Variants in STK33 observed in about 807,000 individuals in gnomAD.
STK33 encodes serine/threonine kinase 33, also known as serine/threonine-protein kinase 33.
Under a neutral mutation model 58.0 loss-of-function variants are expected in STK33, and 52 were observed. That is an observed-to-expected ratio of 0.90 (90% CI 0.72 to 1.13). STK33 has a LOEUF of 1.13. Among genes scored for constraint, STK33 ranks in the 50% most tolerant of loss-of-function variants. The pLI is 0.00. For missense variants in STK33, 630 were observed against 604.2 expected (o/e 1.04, Z -0.45); for synonymous variants, 215 against 200.1 (o/e 1.07, Z -0.63).
At chr11:8,539,614 G>A (rs577419292) in intron 1 of STK33, among the ~76,000 whole-genome samples, 5 of 152,210 alleles carry the variant, frequency 3.3e-5, no homozygotes, top group South Asian at 2.1e-4. Flanking sequence ...CAATAGTTTC[G>A]GATTGCAGCA....
chr11:8,554,263 C>T (rs1477397612), intron 1 of STK33, among the ~76,000 whole-genome samples: 2 of 150,902 alleles, frequency 1.3e-5, no homozygotes, highest in Non-Finnish European at 2.9e-5. Context: ...ATTAAAAATA[C>T]AAAAAATTAG....
intron 14 of STK33, among the ~76,000 whole-genome samples, chr11:8,428,024 G>T (rs184161956): frequency 3.2e-4 from 48 of 152,262 alleles, no homozygotes; most frequent in Non-Finnish European, 3.5e-4. Context: ...AAGAGTATGG[G>T]GAAGAACCTT....
At chr11:8,538,710 A>G (rs1196782143) in intron 1 of STK33, among the ~76,000 whole-genome samples, 2 of 152,212 alleles carry the variant, frequency 1.3e-5, no homozygotes, top group African/African-American at 4.8e-5. Context: ...TCTTTCCTAC[A>G]TGTGTCTAGT....
At chr11:8,349,273 A>G in the STK33 span, among the ~76,000 whole-genome samples, 1 of 152,250 alleles carries the variant, frequency 6.6e-6, no homozygotes. Flanking sequence ...ATATCATATA[A>G]GTGCCATGCA....
At chr11:8,462,051 T>C (rs1378162929) in intron 7 of STK33, 142 bp from the exon 8 acceptor site, 4 of 562,550 alleles carry the variant, frequency 7.1e-6, no homozygotes, top group Non-Finnish European at 1.2e-5. Context: ...GAGATGTTTC[T>C]TTTTCAAATG....
At chr11:8,388,734 C>T (rs1848578045), downstream of STK33, among the ~76,000 whole-genome samples, 1 of 152,140 alleles carries the variant, frequency 6.6e-6, no homozygotes, top group African/African-American at 2.4e-5. Context: ...GGCCTCCTCC[C>T]AGGTTCTGTT....
intron 1 of STK33, among the ~76,000 whole-genome samples, chr11:8,488,521 A>G (rs1391162093): frequency 6.6e-6 from 1 of 152,188 alleles, no homozygotes; most frequent in Non-Finnish European, 1.5e-5. Context: ...TTGCAAGTGT[A>G]GCCCAACATG....
chr11:8,414,463 T>C (rs925889357), intron 14 of STK33, among the ~76,000 whole-genome samples: 1 of 152,126 alleles, frequency 6.6e-6, no homozygotes, highest in African/African-American at 2.4e-5. Flanking sequence ...ATATTTAGAT[T>C]AAAATGAGAA....
chr11:8,394,074 C>T (rs1042219742), intron 15 of STK33, among the ~76,000 whole-genome samples: 2 of 152,124 alleles, frequency 1.3e-5, no homozygotes, highest in East Asian at 3.8e-4. Context: ...GTAAAAAGGT[C>T]ATTTTCTTTA....
chr11:8,484,004 G>C (rs1452859563), intron 1 of STK33, among the ~76,000 whole-genome samples: 3 of 152,154 alleles, frequency 2.0e-5, no homozygotes, highest in Non-Finnish European at 4.4e-5. Flanking sequence ...AAGACCCCAA[G>C]TTTCTAAACA....
chr11:8,436,766 C>T (rs1434725929), intron 12 of STK33, among the ~76,000 whole-genome samples: 2 of 152,114 alleles, frequency 1.3e-5, no homozygotes, highest in Non-Finnish European at 2.9e-5. Context: ...GGTGCAATCT[C>T]GGCTCACTGC....
intron 15 of STK33, 84 bp downstream of exon 15, chr11:8,413,411 A>G (rs1335854246): frequency 7.5e-6 from 11 of 1,457,258 alleles, no homozygotes; most frequent in African/African-American, 3.0e-5. Flanking sequence ...ACTAACAACA[A>G]AAAGACAGAT....
At chr11:8,381,370 A>G in the STK33 span, among the ~76,000 whole-genome samples, 22,510 of 152,098 alleles carry the variant, frequency 0.15, 2,982 homozygotes, top group African/African-American at 0.35. Context: ...GTCAGCCGAG[A>G]GTCTCCTGGC....
intron 1 of STK33, among the ~76,000 whole-genome samples, chr11:8,493,550 C>T (rs189643891): frequency 3.5e-4 from 53 of 152,218 alleles, no homozygotes; most frequent in African/African-American, 1.0e-3. Flanking sequence ...CCTTCTGAAA[C>T]GATTTCAATC....
At chr11:8,471,364 C>G (rs796214914) in intron 6 of STK33, among the ~76,000 whole-genome samples, 16 of 152,212 alleles carry the variant, frequency 1.1e-4, no homozygotes, top group African/African-American at 3.6e-4. Flanking sequence ...AAAACAGTTT[C>G]TTATTTCTAA....
At chr11:8,405,914 G>A (rs925469140) in intron 15 of STK33, among the ~76,000 whole-genome samples, 3 of 152,014 alleles carry the variant, frequency 2.0e-5, no homozygotes, top group African/African-American at 4.8e-5. Flanking sequence ...AGGCCGAGGT[G>A]GGCGGATCAC....
At chr11:8,421,804 C>T (rs1941964305) in intron 14 of STK33, among the ~76,000 whole-genome samples, 1 of 151,968 alleles carries the variant, frequency 6.6e-6, no homozygotes, top group Admixed American at 6.6e-5. Flanking sequence ...ATGTTTATTA[C>T]TAGATGTTTT....
chr11:8,534,627 T>C (rs562945854), intron 1 of STK33, among the ~76,000 whole-genome samples: 1 of 145,314 alleles, frequency 6.9e-6, no homozygotes, highest in South Asian at 2.2e-4. Context: ...CATACTGAGG[T>C]GGTCTGGGTC....
At chr11:8,518,276 G>C (rs760100167) in intron 1 of STK33, among the ~76,000 whole-genome samples, 9 of 152,156 alleles carry the variant, frequency 5.9e-5, no homozygotes, top group African/African-American at 1.4e-4. Flanking sequence ...AAATCCTTCA[G>C]AGACAAGCAA....
Sources: allele counts gnomAD v4.1 joint callset (sites outside exome capture counted in the v4.1 genomes callset), GRCh38; gene constraint gnomAD v4.1.1; transcripts MANE v1.5; gene names NCBI Gene and HGNC (gene_info 2026-07-23, HGNC 2026-07-21).